The following EXT1 variants were observed in gnomAD, a reference collection of about 807,000 sequenced individuals.
EXT1 encodes the protein exostosin-1.
Under a neutral mutation model 82.5 loss-of-function variants are expected in EXT1, and 20 were observed. That is an observed-to-expected ratio of 0.24 (90% CI 0.17 to 0.35). The LOEUF (loss-of-function observed/expected upper bound fraction) is 0.35, where lower values mean the gene tolerates loss of function less well. EXT1 is among the 10% of genes least tolerant of loss of function. The pLI is 1.00. For synonymous variants in EXT1, 348 were observed against 350.8 expected (o/e 0.99, Z 0.09); for missense variants, 757 against 936.5 (o/e 0.81, Z 2.50).
chr8:117,959,156 C>G (rs1002501422), intron 1 of EXT1, among the ~76,000 whole-genome samples: 1 of 152,188 alleles, frequency 6.6e-6, no homozygotes, highest in African/African-American at 2.4e-5. Context: ...GAGAAAATGG[C>G]TTAAGAATGG....
In EXT1 at chr8:117,820,300, G is replaced by A. The variant is rs141793831; in HGVS notation, c.1418-506C>T. Among the ~76,000 whole-genome samples, 5 of 152,282 alleles carry A rather than the reference G, an allele frequency of 3.3e-5. No individual in the cohort carries two copies. The East Asian group carries it at 7.7e-4, about 23-fold the overall frequency. On this transcript the variant is annotated intron_variant, in intron 5 of 10. Coordinates refer to ENST00000378204, the MANE Select transcript of EXT1 (RefSeq NM_000127.3). ...ATCCCAGATCTACCACTTACTGGTC[G>A]GGGGACCTTGGAAAGATTACTTAAC...
chr8:117,846,360 G>A (rs745805479), intron 1 of EXT1, among the ~76,000 whole-genome samples: 1 of 151,996 alleles, frequency 6.6e-6, no homozygotes, highest in African/African-American at 2.4e-5. Context: ...CACCTGCCTC[G>A]GCCTCCCAAA....
intron 1 of EXT1, among the ~76,000 whole-genome samples, chr8:118,088,582 A>C (rs934848776): frequency 3.3e-5 from 5 of 152,042 alleles, no homozygotes; most frequent in South Asian, 2.1e-4. Flanking sequence ...TCCTGACCCC[A>C]AAAAAATAAA....
chr8:118,086,973 A>G (rs541057238), intron 1 of EXT1, among the ~76,000 whole-genome samples: 1 of 152,306 alleles, frequency 6.6e-6, no homozygotes, highest in South Asian at 2.1e-4. Flanking sequence ...CTGCAACATC[A>G]CACAACCACA....
rs560845972 is a variant in EXT1 at position 117,829,561 on chromosome 8, A to G, written c.1284+669T>C. On this transcript the variant is annotated intron_variant, in intron 4 of 10. Coordinates refer to ENST00000378204, the MANE Select transcript of EXT1 (RefSeq NM_000127.3). ...ATTTGCCCTTACTTGGCCATTATAT[A>G]TATTTTTCTTTTTTTTTTTTTTTTT... Among the ~76,000 whole-genome samples the G allele has an allele frequency of 6.2e-4, 65 of 105,522 alleles. 1 individual carries two copies. Among genetic ancestry groups the G allele is most frequent in the South Asian group, 1.8e-3 (6 of 3,422 alleles). The allele number at this position is 105,522 out of a possible 152,430, so 69.2% of individuals were successfully genotyped here.
intron 1 of EXT1, among the ~76,000 whole-genome samples, chr8:117,961,995 T>C (rs1814709482): frequency 6.6e-6 from 1 of 152,170 alleles, no homozygotes; most frequent in Non-Finnish European, 1.5e-5. Flanking sequence ...GTACCTCATG[T>C]ATTAATTAAG....
chr8:117,988,914 C>A (rs1455402430), intron 1 of EXT1, among the ~76,000 whole-genome samples: 8 of 151,744 alleles, frequency 5.3e-5, no homozygotes, highest in Admixed American at 3.9e-4. Flanking sequence ...TCTTTTATAA[C>A]TACTTAAATA....
rs1823133717 is a variant in EXT1, at chr8:117,799,650, G to A, written c.*62C>T. 3.2e-6 allele frequency: 5 copies of A among 1,584,022 alleles called. No homozygotes were observed. The Middle Eastern group carries it at 8.3e-4, about 264-fold the overall frequency. On this transcript the variant is annotated 3_prime_UTR_variant, in exon 11 of 11. Coordinates refer to ENST00000378204, the MANE Select transcript of EXT1 (RefSeq NM_000127.3). ...CTGCTGATGAGTGGATCTGCACTGG[G>A]AAGAGAGAGCAGCTTGACCCCCATC...
chr8:117,832,308 G>A (rs1426701460), intron 3 of EXT1, among the ~76,000 whole-genome samples: 1 of 152,046 alleles, frequency 6.6e-6, no homozygotes, highest in Admixed American at 6.6e-5. Context: ...GGCGGATCAC[G>A]AGTTCAGGAG....
intron 1 of EXT1, among the ~76,000 whole-genome samples, chr8:118,028,600 A>G (rs936715305): frequency 1.3e-5 from 2 of 151,938 alleles, no homozygotes; most frequent in African/African-American, 4.8e-5. Flanking sequence ...TAGTTGACAA[A>G]TGAGTCAATT....
At chr8:117,948,180 A>T (rs1814424023) in intron 1 of EXT1, among the ~76,000 whole-genome samples, 1 of 152,140 alleles carries the variant, frequency 6.6e-6, no homozygotes, top group Non-Finnish European at 1.5e-5. Context: ...ATCTAAATAC[A>T]TTATAGTAAG....
chr8:118,080,646 G>A (rs1015870180), intron 1 of EXT1, among the ~76,000 whole-genome samples: 4 of 151,940 alleles, frequency 2.6e-5, no homozygotes, highest in South Asian at 2.1e-4. Context: ...TTTAAAACTC[G>A]GCCAATAATA....
At chr8:118,079,425 G>T (rs1315674336) in intron 1 of EXT1, among the ~76,000 whole-genome samples, 2 of 152,134 alleles carry the variant, frequency 1.3e-5, no homozygotes, top group South Asian at 4.1e-4. Flanking sequence ...TCAAAGGTTA[G>T]ACAGCCACTC....
chr8:117,971,726 C>T (rs556251578), intron 1 of EXT1, among the ~76,000 whole-genome samples: 30 of 152,298 alleles, frequency 2.0e-4, no homozygotes, highest in African/African-American at 4.1e-4. Context: ...ATTGTGGTCA[C>T]GTAAATTATA....
intron 1 of EXT1, among the ~76,000 whole-genome samples, chr8:117,934,546 C>T (rs914569665): frequency 3.3e-5 from 5 of 152,240 alleles, no homozygotes; most frequent in African/African-American, 1.2e-4. Flanking sequence ...AAGGAGTTGT[C>T]ACGCCCCCTT....
At chr8:117,813,207 G>A (rs1563568224) in intron 7 of EXT1, among the ~76,000 whole-genome samples, 5 of 152,164 alleles carry the variant, frequency 3.3e-5, no homozygotes. Flanking sequence ...AATCAGACAT[G>A]TTCCCTGTCT....
intron 1 of EXT1, among the ~76,000 whole-genome samples, chr8:117,992,616 C>A (rs1185808907): frequency 6.6e-6 from 1 of 152,092 alleles, no homozygotes; most frequent in Non-Finnish European, 1.5e-5. Context: ...CCAGGCCTTC[C>A]AAGCTTCCAG....
chr8:118,016,383 ACT>A (rs1816004332), intron 1 of EXT1, among the ~76,000 whole-genome samples: 1 of 152,008 alleles, frequency 6.6e-6, no homozygotes, highest in African/African-American at 2.4e-5. Context: ...ACTGAGAGAG[ACT>A]CTGTCTCAAA....
intron 1 of EXT1, among the ~76,000 whole-genome samples, chr8:118,076,333 T>C (rs1275287036): frequency 1.3e-5 from 2 of 152,264 alleles, no homozygotes; most frequent in African/African-American, 4.8e-5. Flanking sequence ...TGTAATCATT[T>C]TGTACTTTCA....
Sources: allele counts gnomAD v4.1 joint callset (sites outside exome capture counted in the v4.1 genomes callset), GRCh38; gene constraint gnomAD v4.1.1; transcripts MANE v1.5; gene names NCBI Gene and HGNC (gene_info 2026-07-23, HGNC 2026-07-21).